PPP2R1B: variants seen among roughly 807,000 people sequenced by gnomAD.
PPP2R1B encodes the protein serine/threonine-protein phosphatase 2A 65 kDa regulatory subunit A beta isoform.
A neutral mutation model predicts 72.7 loss-of-function variants in PPP2R1B; 58 were observed. The observed-to-expected ratio is 0.80, with a 90% CI of 0.65 to 0.99. The LOEUF (loss-of-function observed/expected upper bound fraction) is 0.99, where lower values mean the gene tolerates loss of function less well. PPP2R1B is among the 50% of genes least tolerant of loss of function. The pLI is 0.00. For missense variants in PPP2R1B, 695 were observed against 733.6 expected (o/e 0.95, Z 0.61); for synonymous variants, 256 against 264.6 (o/e 0.97, Z 0.32).
the PPP2R1B span, chr11:111,701,068 C>T: frequency 6.4e-7 from 1 of 1,570,822 alleles, no homozygotes; most frequent in Non-Finnish European, 8.7e-7. The surrounding 1 kb of genome is among the most constrained non-coding windows in gnomAD (Gnocchi z 4.2). Context: ...ACTTGGTGTT[C>T]TGGCCCATCT....
intron 11 of PPP2R1B, among the ~76,000 whole-genome samples, chr11:111,745,138 G>A (rs2136054218): frequency 7.2e-6 from 1 of 139,182 alleles, no homozygotes; most frequent in African/African-American, 2.7e-5. Flanking sequence ...TGCAACCTCC[G>A]CCTCCTGGGT....
chr11:111,737,333 A>G, downstream of PPP2R1B: 1 of 1,494,402 alleles, frequency 6.7e-7, no homozygotes, highest in Non-Finnish European at 9.1e-7. Flanking sequence ...CCCTGGGGAC[A>G]AAGTGAGAGG....
Position 111,760,938 on chromosome 11 carries a change from A to C in PPP2R1B, c.420T>G (p.Phe140Leu). ...TTGCTAAGCGTTTCACCAGAGGTAC[A>C]AAATAAGCTTCCAGAGCAACAGGAG... ...EHTPVALEAY[F>L]VPLVKRLASG... The change falls in exon 4 of 15, where the codon TTT (phenylalanine) becomes TTG (leucine). Residue 140 changes from phenylalanine to leucine, a missense_variant. Coordinates refer to ENST00000527614, the MANE Select transcript of PPP2R1B (RefSeq NM_002716.5). The C allele has an allele frequency of 6.2e-7, 1 of 1,614,224 alleles. No individual in the cohort carries two copies. The highest frequency in any genetic ancestry group is 8.5e-7 in the Non-Finnish European group (1 of 1,180,040).
chr11:111,763,329 C>T (rs1222737464), intron 3 of PPP2R1B, among the ~76,000 whole-genome samples: 1 of 152,226 alleles, frequency 6.6e-6, no homozygotes, highest in Non-Finnish European at 1.5e-5. Flanking sequence ...ACTGTCACCT[C>T]TTCTCATGCA....
intron 11 of PPP2R1B, among the ~76,000 whole-genome samples, chr11:111,747,392 T>G (rs896875888): frequency 6.6e-6 from 1 of 152,210 alleles, no homozygotes; most frequent in Non-Finnish European, 1.5e-5. Flanking sequence ...CTCCTAGCAC[T>G]GTAGCAGCAG....
intron 11 of PPP2R1B, among the ~76,000 whole-genome samples, chr11:111,744,735 T>C (rs530702422): frequency 1.3e-5 from 2 of 152,310 alleles, no homozygotes; most frequent in South Asian, 4.1e-4. Context: ...AGGCAATTTA[T>C]ACAAGCCTCC....
downstream of PPP2R1B, among the ~76,000 whole-genome samples, chr11:111,732,990 G>A (rs538536408): frequency 3.9e-5 from 6 of 152,318 alleles, no homozygotes; most frequent in Admixed American, 3.3e-4. Context: ...CCTGGACAAC[G>A]TCCCTTAGGA....
chr11:111,716,228 G>A, the PPP2R1B span, among the ~76,000 whole-genome samples: 2 of 152,210 alleles, frequency 1.3e-5, no homozygotes, highest in Admixed American at 6.5e-5. Context: ...GGTGTTTCGT[G>A]TCTACTTACA....
At chr11:111,693,757 C>A in the PPP2R1B span, among the ~76,000 whole-genome samples, 5 of 152,156 alleles carry the variant, frequency 3.3e-5, no homozygotes, top group Non-Finnish European at 7.3e-5. Context: ...ATTATTTACA[C>A]TTTCTAGGCC....
At chr11:111,744,965 T>A (rs745714849) in intron 11 of PPP2R1B, among the ~76,000 whole-genome samples, 20 of 152,010 alleles carry the variant, frequency 1.3e-4, no homozygotes, top group Non-Finnish European at 2.2e-4. Context: ...TTCATATCCA[T>A]AGTCTTTGTC....
downstream of PPP2R1B, chr11:111,723,625 A>G (rs1159409484): frequency 6.2e-7 from 1 of 1,613,394 alleles, no homozygotes; most frequent in African/African-American, 1.3e-5. Context: ...AGGAGACTCC[A>G]CCGCCTTCTC....
chr11:111,710,322 T>C, the PPP2R1B span, among the ~76,000 whole-genome samples: 1 of 152,210 alleles, frequency 6.6e-6, no homozygotes, highest in African/African-American at 2.4e-5. Context: ...CTCTGAATGG[T>C]ATGCAGTTGT....
At chr11:111,708,372 G>A in the PPP2R1B span, among the ~76,000 whole-genome samples, 2 of 151,956 alleles carry the variant, frequency 1.3e-5, no homozygotes, top group African/African-American at 4.8e-5. Context: ...ACACAGTGAG[G>A]TTCTGTCCCA....
chr11:111,765,041 C>T (rs1427851340), intron 2 of PPP2R1B, 136 bp from the exon 3 acceptor site: 1 of 1,406,762 alleles, frequency 7.1e-7, no homozygotes, highest in Non-Finnish European at 9.4e-7. Flanking sequence ...TTTCTTTCTT[C>T]TCAACCGTCT....
chr11:111,718,406 T>C, the PPP2R1B span, among the ~76,000 whole-genome samples: 3 of 152,334 alleles, frequency 2.0e-5, no homozygotes, highest in Non-Finnish European at 2.9e-5. Flanking sequence ...AGAGTTTTGC[T>C]TTCTGCTGCC....
the PPP2R1B span, chr11:111,703,159 G>A: frequency 1.9e-6 from 3 of 1,567,238 alleles, no homozygotes; most frequent in Non-Finnish European, 2.6e-6. Flanking sequence ...ACCCTGAAGT[G>A]CAAGGTGATT....
At chr11:111,758,038 CA>C (rs1945188349) in intron 5 of PPP2R1B, among the ~76,000 whole-genome samples, 1 of 152,148 alleles carries the variant, frequency 6.6e-6, no homozygotes, top group African/African-American at 2.4e-5. Context: ...TCCAAACTGA[CA>C]TCCAAATCCT....
At chr11:111,692,363 A>C in the PPP2R1B span, among the ~76,000 whole-genome samples, 1 of 118,218 alleles carries the variant, frequency 8.5e-6, no homozygotes, top group African/African-American at 4.0e-5. Flanking sequence ...AAAAAAAAAA[A>C]AAAAAAAAAA....
chr11:111,714,412 G>A, the PPP2R1B span, among the ~76,000 whole-genome samples: 1 of 152,212 alleles, frequency 6.6e-6, no homozygotes, highest in African/African-American at 2.4e-5. Flanking sequence ...AGATATTTGA[G>A]CAAGGAAGCT....
Sources: gnomAD v4.1 joint callset for allele counts (sites outside exome capture counted in the v4.1 genomes callset) on GRCh38, gnomAD v4.1.1 for gene constraint, Gnocchi (gnomAD v3.1) non-coding constraint, MANE v1.5 for transcripts, NCBI Gene and HGNC (gene_info 2026-07-23, HGNC 2026-07-21) for gene names.